NECAB3: variants seen among roughly 807,000 people sequenced by gnomAD.
The protein encoded by NECAB3 is N-terminal EF-hand calcium-binding protein 3.
A neutral mutation model predicts 57.2 loss-of-function variants in NECAB3; 38 were observed. The observed-to-expected ratio is 0.66, with a 90% CI of 0.51 to 0.87. The LOEUF is 0.87. Ranked by LOEUF, NECAB3 falls within the 40% of genes least tolerant of loss-of-function variation. NECAB3 has a pLI of 0.00. For missense variants in NECAB3, 474 were observed against 527.5 expected (o/e 0.90, Z 0.99); for synonymous variants, 223 against 222.6 (o/e 1.00, Z -0.02).
At position 33,659,976 on chromosome 20, in the gene NECAB3, C is replaced by A; in HGVS notation, c.552G>T (p.Gln184His). ...WRSDAESVEA[Q>H]SRLCGSRRAG... Reference sequence around the variant, plus strand: ...CCCGCCGGCTGCCGCAGAGCCTGCTCTGCGCCTCCACGCTCTCTGCATCTG... The same window carrying A: ...CCCGCCGGCTGCCGCAGAGCCTGCTATGCGCCTCCACGCTCTCTGCATCTG... The change falls in exon 7 of 12, where the codon CAG (glutamine) becomes CAT (histidine). Residue 184 changes from glutamine (Q) to histidine (H), a missense_variant. Transcript: ENST00000246190. 6.4e-7 allele frequency: 1 copy of A among 1,567,312 alleles called. No individual in the cohort carries two copies. Among genetic ancestry groups the A allele is most frequent in the South Asian group, 1.2e-5 (1 of 86,132 alleles).
chr20:33,667,438 G>A, intron 5 of NECAB3: 3 of 1,411,846 alleles, frequency 2.1e-6, no homozygotes, highest in Non-Finnish European at 2.8e-6. Context: ...GGCGCCGCCC[G>A]CGGGCCGCGA....
intron 5 of NECAB3, chr20:33,666,426 G>A (rs1785196544): frequency 1.3e-5 from 2 of 152,286 alleles, no homozygotes; most frequent in Admixed American, 1.3e-4. Flanking sequence ...GCAGCTGCTG[G>A]GGAGTGAGGT....
chr20:33,668,263 T>C, intron 5 of NECAB3: 2 of 1,552,066 alleles, frequency 1.3e-6, no homozygotes, highest in Non-Finnish European at 1.7e-6. Context: ...GGGGTGGCAC[T>C]GCGTTGGGGG....
intron 9 of NECAB3, 44 bp from the exon 10 acceptor site, chr20:33,658,598 C>G: frequency 6.2e-7 from 1 of 1,609,894 alleles, no homozygotes; most frequent in South Asian, 1.1e-5. Context: ...GGGCTGCCAC[C>G]ACCTCTGCCT....
At chr20:33,661,570 G>T (rs116029798) in intron 5 of NECAB3, among the ~76,000 whole-genome samples, 1,820 of 152,342 alleles carry the variant, frequency 0.012, 36 homozygotes, top group African/African-American at 0.041. Flanking sequence ...TATTTGAGAT[G>T]ATTAGTTTCT....
rs898032932 is a variant in NECAB3 at position 33,660,484 on chromosome 20, G to A, written c.388-89C>T. 161 of 1,532,482 alleles carry A rather than the reference G, an allele frequency of 1.1e-4. No homozygotes were observed. Among genetic ancestry groups the A allele is most frequent in the Non-Finnish European group, 1.3e-4 (146 of 1,129,922 alleles). 94.9% of individuals were successfully genotyped at this position (1,532,482 alleles called of 1,614,324 possible). On this transcript the variant is annotated intron_variant, in intron 5 of 11. Transcript: ENST00000246190. This position sits in a 1 kb window ranked among gnomAD's most constrained non-coding sequence, Gnocchi z 4.1. ...CCTGCCTCTTGCCCATCAGAGCAGCGGTGGCAGTGCCAAGAGCAGGGGCAC... is the reference window on the plus strand; with the variant it reads ...CCTGCCTCTTGCCCATCAGAGCAGCAGTGGCAGTGCCAAGAGCAGGGGCAC...
At chr20:33,661,216 G>A (rs1427125133) in intron 5 of NECAB3, among the ~76,000 whole-genome samples, 2 of 152,148 alleles carry the variant, frequency 1.3e-5, no homozygotes, top group Non-Finnish European at 1.5e-5. Flanking sequence ...GCCATCTATC[G>A]TCAAGTGTAA....
intron 5 of NECAB3, chr20:33,663,534 C>G: frequency 6.2e-7 from 1 of 1,609,376 alleles, no homozygotes; most frequent in Non-Finnish European, 8.5e-7. Context: ...ACCCCCAGAC[C>G]AGGATCGTGC....
chr20:33,674,245 G>C lies in NECAB3; in HGVS notation c.108C>G (p.Ala36=), dbSNP rs1207884756. ...HPQLAPDPGP[A]GHTLFQDVFR... is the part of the protein sequence containing the mutation. ...TCACGTCCTGGAAGAGCGTGTGTCC[G>C]GCGGGCCCCGGGTCGGGCGCGAGCT... Residue 36 remains alanine (A), a synonymous_variant, in exon 1 of 12, where the codon GCC becomes GCG. Coordinates refer to ENST00000246190, the MANE Select transcript of NECAB3 (RefSeq NM_031232.4). 5 of 1,239,576 alleles carry C rather than the reference G, an allele frequency of 4.0e-6. No homozygotes were observed. The highest frequency in any genetic ancestry group is 5.0e-6 in the Non-Finnish European group (5 of 991,692). The allele number at this position is 1,239,576 out of a possible 1,614,324, so 76.8% of individuals were successfully genotyped here.
intron 4 of NECAB3, 73 bp downstream of exon 4, chr20:33,669,614 C>A: frequency 6.5e-7 from 1 of 1,545,834 alleles, no homozygotes; most frequent in Non-Finnish European, 8.8e-7. Context: ...AGGAGACCAG[C>A]AACAGTCCCT....
intron 5 of NECAB3, chr20:33,663,456 G>A: frequency 2.7e-6 from 4 of 1,482,010 alleles, no homozygotes; most frequent in Non-Finnish European, 3.6e-6. Flanking sequence ...GGTCCCAGGA[G>A]AAGCGCGGAG....
chr20:33,662,751 G>T, intron 5 of NECAB3: 1 of 377,336 alleles, frequency 2.7e-6, no homozygotes. Flanking sequence ...ATTGGCCTGG[G>T]CAACATAGGG....
chr20:33,668,439 C>A (rs899253818), intron 5 of NECAB3: 1 of 649,088 alleles, frequency 1.5e-6, no homozygotes, highest in Non-Finnish European at 2.4e-6. Context: ...CCAACCACTG[C>A]CAGTTCAGAG....
At chr20:33,662,734 G>A (rs1601158140) in intron 5 of NECAB3, 1 of 425,178 alleles carries the variant, frequency 2.4e-6, no homozygotes, top group East Asian at 4.5e-5. Context: ...CAGCCCAGGA[G>A]TTTGAGATTG....
Position 33,660,130 on chromosome 20 carries a change from T to C in NECAB3, c.525-127A>G, listed in dbSNP as rs2017419148. 1 of 1,527,384 alleles carries C rather than the reference T, an allele frequency of 6.5e-7. No homozygotes were observed. 94.6% of individuals were successfully genotyped at this position (1,527,384 alleles called of 1,614,324 possible). ...AAGCCAGTCTCATTTCACCCCGCCA[T>C]GGCTACCCTGCCATGGCTTCCCCGC... On this transcript the variant is annotated intron_variant, in intron 6 of 11. Transcript: ENST00000246190. This position sits in a 1 kb window ranked among gnomAD's most constrained non-coding sequence, Gnocchi z 4.1.
rs890227630 is a variant in NECAB3, at chr20:33,660,079, T to G, written c.525-76A>C. On this transcript the variant is annotated intron_variant, in intron 6 of 11. Coordinates refer to ENST00000246190, the MANE Select transcript of NECAB3 (RefSeq NM_031232.4). The surrounding 1 kb of genome is among the most constrained non-coding windows in gnomAD (Gnocchi z 4.1). The stretch of plus-strand genomic sequence containing the variant: ...TAAGCCTGGGTGGGGAAGACAAGCC[T>G]CCTGGGACTCCGAGGCCTAGCCCCA... 3.1e-5 allele frequency: 47 copies of G among 1,522,254 alleles called. No individual in the cohort carries two copies. Among genetic ancestry groups the G allele is most frequent in the Non-Finnish European group, 3.9e-5 (44 of 1,135,856 alleles). The allele number at this position is 1,522,254 out of a possible 1,614,324, so 94.3% of individuals were successfully genotyped here. A position where few individuals can be genotyped will look rare whatever the true frequency, so the allele number is the denominator to read the frequency against.
chr20:33,671,828 T>C (rs1408429173), intron 2 of NECAB3, among the ~76,000 whole-genome samples: 1 of 152,192 alleles, frequency 6.6e-6, no homozygotes, highest in Non-Finnish European at 1.5e-5. Context: ...GGCGTGGGTT[T>C]AGTTGTGTCC....
chr20:33,666,067 G>A (rs1049001925), intron 5 of NECAB3, among the ~76,000 whole-genome samples: 14 of 152,136 alleles, frequency 9.2e-5, no homozygotes, highest in South Asian at 2.1e-4. Flanking sequence ...CTGGGTGACC[G>A]AGACTCCGTC....
chr20:33,658,613 G>T, intron 9 of NECAB3, 59 bp from the exon 10 acceptor site: 1 of 1,605,106 alleles, frequency 6.2e-7, no homozygotes. Flanking sequence ...CTGCCTCCCC[G>T]GCCTGGGGCC....
Sources: gnomAD v4.1 joint callset for allele counts (sites outside exome capture counted in the v4.1 genomes callset) on GRCh38, gnomAD v4.1.1 for gene constraint, Gnocchi (gnomAD v3.1) non-coding constraint, MANE v1.5 for transcripts, NCBI Gene and HGNC (gene_info 2026-07-23, HGNC 2026-07-21) for gene names.